The following SATB2 variants were observed in gnomAD, a reference collection of about 807,000 sequenced individuals.
SATB2 encodes DNA-binding protein SATB2.
In SATB2, 1 loss-of-function variant was observed where a neutral mutation model predicts 73.4. The ratio of observed to expected loss-of-function variants is 0.01; its 90% CI spans 0.00 to 0.06. The LOEUF (loss-of-function observed/expected upper bound fraction) is 0.06, where lower values mean the gene tolerates loss of function less well. Among genes scored for constraint, SATB2 ranks in the 10% least tolerant of loss-of-function variants. The pLI, the probability that SATB2 is intolerant of heterozygous loss-of-function variation, is 1.00. For missense variants in SATB2, 459 were observed against 945.8 expected, an observed-to-expected ratio of 0.49 and a Z score of 6.75; for synonymous variants, 397 against 367.0, an observed-to-expected ratio of 1.08 and a Z score of -0.93.
chr2:199,390,428 A>G (rs1485502743), intron 3 of SATB2, among the ~76,000 whole-genome samples: 1 of 152,198 alleles, frequency 6.6e-6, no homozygotes, highest in Non-Finnish European at 1.5e-5. Context: ...ATCATTTTCT[A>G]AAAGAGTTTT....
rs541294674 is a variant in SATB2, at chr2:199,420,914, G to T, written c.346+12424C>A. Among the ~76,000 whole-genome samples, 4 of 152,114 alleles carry T rather than the reference G, an allele frequency of 2.6e-5. No individual in the cohort carries two copies. In the South Asian group the frequency reaches 8.3e-4, roughly 32 times the overall value. ...CATAAATTGATATTTTTGGTTACAT[G>T]AATATATTTTAATAGATAATTTGAG... On this transcript the variant is annotated intron_variant, in intron 3 of 10. Coordinates refer to ENST00000417098, the MANE Select transcript of SATB2 (RefSeq NM_001172509.2).
chr2:199,432,380 C>A (rs1479721344), intron 3 of SATB2, among the ~76,000 whole-genome samples: 1 of 152,124 alleles, frequency 6.6e-6, no homozygotes, highest in Non-Finnish European at 1.5e-5. Context: ...TCATAGTATC[C>A]TTATTGGTAC....
At chr2:199,360,818 CCT>C (rs2105840115) in intron 6 of SATB2, among the ~76,000 whole-genome samples, 1 of 152,204 alleles carries the variant, frequency 6.6e-6, no homozygotes, top group South Asian at 2.1e-4. Context: ...CATAGGCTTC[CCT>C]GTTCTCACAC....
At chr2:199,320,327 C>T (rs1446545995) in intron 9 of SATB2, among the ~76,000 whole-genome samples, 1 of 152,080 alleles carries the variant, frequency 6.6e-6, no homozygotes, top group Non-Finnish European at 1.5e-5. Flanking sequence ...GAAGGTAATC[C>T]TCAGAATTCA....
At chr2:199,401,530 ACT>A (rs1268301476) in intron 3 of SATB2, among the ~76,000 whole-genome samples, 1 of 151,428 alleles carries the variant, frequency 6.6e-6, no homozygotes, top group Admixed American at 6.6e-5. Flanking sequence ...TCCGAGCAAG[ACT>A]CTGTCTCAAA....
intron 3 of SATB2, among the ~76,000 whole-genome samples, chr2:199,419,671 G>A (rs924440413): frequency 4.6e-5 from 7 of 152,192 alleles, no homozygotes; most frequent in East Asian, 1.9e-4. Flanking sequence ...TGAAAACACC[G>A]CCATATATCT....
In SATB2 at chr2:199,368,824, C is replaced by G. The variant is rs543871496; in HGVS notation, c.598-117G>C. On this transcript the variant is annotated intron_variant, in intron 5 of 10. Transcript: ENST00000417098. Reference sequence around the variant, plus strand: ...TTTTCTTTTAAACTTAAAACAGTCACTCTCCTGTAAACTGAACTATTAACA... The same window carrying G: ...TTTTCTTTTAAACTTAAAACAGTCAGTCTCCTGTAAACTGAACTATTAACA... 5 of 644,978 alleles carry G rather than the reference C, an allele frequency of 7.8e-6. No homozygotes were observed. In the East Asian group the frequency reaches 1.4e-4, roughly 18 times the overall value. The allele number at this position is 644,978 out of a possible 1,614,324, so 40.0% of individuals were successfully genotyped here.
upstream of SATB2, among the ~76,000 whole-genome samples, chr2:199,459,258 C>T (rs1003674826): frequency 3.3e-5 from 5 of 151,848 alleles, no homozygotes; most frequent in Admixed American, 6.5e-5. This position sits in a 1 kb window ranked among gnomAD's most constrained non-coding sequence, Gnocchi z 4.2. Flanking sequence ...GGGGAGGCCG[C>T]ACAGGAGCGT....
At chr2:199,394,911 T>C (rs527315850) in intron 3 of SATB2, among the ~76,000 whole-genome samples, 2 of 152,236 alleles carry the variant, frequency 1.3e-5, no homozygotes, top group African/African-American at 4.8e-5. Context: ...AATCAAAATA[T>C]ATTTAGTCAC....
intron 10 of SATB2, among the ~76,000 whole-genome samples, chr2:199,291,312 C>T (rs1273498750): frequency 6.6e-6 from 1 of 152,142 alleles, no homozygotes; most frequent in South Asian, 2.1e-4. Flanking sequence ...GTCTTTACTG[C>T]TTTTTGCCTG....
chr2:199,323,987 T>C (rs1007156307), intron 8 of SATB2, 29 bp from the exon 9 acceptor site: 1 of 1,612,500 alleles, frequency 6.2e-7, no homozygotes, highest in East Asian at 2.2e-5. Flanking sequence ...AATAATAATT[T>C]AAAAAGTGCT....
intron 7 of SATB2, among the ~76,000 whole-genome samples, chr2:199,335,044 C>T (rs994732564): frequency 1.3e-5 from 2 of 152,042 alleles, no homozygotes; most frequent in East Asian, 3.9e-4. Flanking sequence ...TCCCCCACAC[C>T]CCAGAGCATT....
chr2:199,332,901 C>T (rs1688229711), intron 7 of SATB2, among the ~76,000 whole-genome samples: 1 of 152,020 alleles, frequency 6.6e-6, no homozygotes, highest in Non-Finnish European at 1.5e-5. Context: ...GGCCTTTAAC[C>T]CTGGAAGAGA....
At chr2:199,471,057 T>C (rs2105974178) in exon 1 of SATB2, 1 of 152,574 alleles carries the variant, frequency 6.6e-6, no homozygotes, top group South Asian at 2.1e-4. Context: ...ATCTGTTGTG[T>C]CAGAATCGGC....
chr2:199,285,226 C>T (rs1444411507), intron 10 of SATB2, among the ~76,000 whole-genome samples: 1 of 152,046 alleles, frequency 6.6e-6, no homozygotes, highest in Non-Finnish European at 1.5e-5. Context: ...ACATGAATCA[C>T]ACTCAATAGT....
intron 3 of SATB2, among the ~76,000 whole-genome samples, chr2:199,426,799 T>A (rs1353577979): frequency 1.3e-5 from 2 of 152,104 alleles, no homozygotes; most frequent in Non-Finnish European, 2.9e-5. Flanking sequence ...TTACTAATTA[T>A]CTGACTGTCC....
intron 2 of SATB2, among the ~76,000 whole-genome samples, chr2:199,449,607 C>T (rs1259008387): frequency 1.3e-5 from 2 of 152,142 alleles, no homozygotes; most frequent in Non-Finnish European, 2.9e-5. Context: ...TTTTTTCAAA[C>T]TCTGTAAGTC....
At chr2:199,392,235 C>T (rs1184493150) in intron 3 of SATB2, among the ~76,000 whole-genome samples, 1 of 152,010 alleles carries the variant, frequency 6.6e-6, no homozygotes, top group African/African-American at 2.4e-5. Context: ...GCAGAAAAAT[C>T]AAAATTCCCA....
At chr2:199,368,303 G>A (rs1391071570) in intron 6 of SATB2, among the ~76,000 whole-genome samples, 3 of 152,110 alleles carry the variant, frequency 2.0e-5, no homozygotes, top group Non-Finnish European at 4.4e-5. Context: ...CAAACTATAA[G>A]TGCTGATTTA....
Sources: gnomAD v4.1 joint callset for allele counts (sites outside exome capture counted in the v4.1 genomes callset) on GRCh38, gnomAD v4.1.1 for gene constraint, Gnocchi (gnomAD v3.1) non-coding constraint, MANE v1.5 for transcripts, NCBI Gene and HGNC (gene_info 2026-07-23, HGNC 2026-07-21) for gene names.